The following NCALD variants were observed in gnomAD, a reference collection of about 807,000 sequenced individuals.
The protein encoded by NCALD is neurocalcin-delta.
Under a neutral mutation model 18.6 loss-of-function variants are expected in NCALD, and 10 were observed. The observed-to-expected ratio is 0.54, with a 90% confidence interval of 0.33 to 0.91. The LOEUF (loss-of-function observed/expected upper bound fraction) is 0.91, where lower values mean the gene tolerates loss of function less well. Ranked by LOEUF, NCALD falls within the 40% of genes least tolerant of loss-of-function variation. The pLI is 0.03. For synonymous variants in NCALD, 88 were observed against 87.4 expected, an observed-to-expected ratio of 1.01 and a Z score of -0.04; for missense variants, 184 against 247.6, an observed-to-expected ratio of 0.74 and a Z score of 1.72.
At chr8:102,068,999 A>G (rs1176269806) in intron 1 of NCALD, among the ~76,000 whole-genome samples, 1 of 152,190 alleles carries the variant, frequency 6.6e-6, no homozygotes, top group East Asian at 1.9e-4. Context: ...AGAAGTAGAG[A>G]GTAGAATGGT....
intron 2 of NCALD, among the ~76,000 whole-genome samples, chr8:101,986,108 G>A (rs1820799326): frequency 6.6e-6 from 1 of 151,998 alleles, no homozygotes; most frequent in African/African-American, 2.4e-5. Context: ...TTGGCTCACT[G>A]CAACCTCCGC....
intron 4 of NCALD, among the ~76,000 whole-genome samples, chr8:101,842,593 C>T (rs936981670): frequency 6.6e-5 from 10 of 152,202 alleles, no homozygotes; most frequent in African/African-American, 2.4e-4. Flanking sequence ...CACAAGATGG[C>T]TATTGCAGCC....
At chr8:101,893,031 C>G (rs368788577) in intron 3 of NCALD, among the ~76,000 whole-genome samples, 2 of 149,060 alleles carry the variant, frequency 1.3e-5, no homozygotes, top group South Asian at 2.1e-4. Context: ...AGATACTCCT[C>G]GAGAAGAGCA....
chr8:101,883,635 C>T (rs1423634806), intron 4 of NCALD, among the ~76,000 whole-genome samples: 5 of 152,212 alleles, frequency 3.3e-5, no homozygotes, highest in Admixed American at 6.5e-5. Context: ...CTGTCCTAAG[C>T]ATCCTCTTAG....
chr8:101,984,558 T>A (rs750228979), intron 2 of NCALD, among the ~76,000 whole-genome samples: 40 of 152,208 alleles, frequency 2.6e-4, no homozygotes, highest in Non-Finnish European at 4.9e-4. Flanking sequence ...AGGAGGCCAA[T>A]AAGCACTGAA....
At chr8:101,894,879 C>T (rs1180071127) in intron 3 of NCALD, among the ~76,000 whole-genome samples, 1 of 150,374 alleles carries the variant, frequency 6.7e-6, no homozygotes, top group African/African-American at 2.5e-5. Context: ...CAATAGTTTA[C>T]CAACCAAAAA....
At chr8:102,108,497 C>A (rs536371667) in intron 1 of NCALD, among the ~76,000 whole-genome samples, 1 of 152,140 alleles carries the variant, frequency 6.6e-6, no homozygotes, top group Admixed American at 6.5e-5. Context: ...GGAAACAGCA[C>A]GCAATGCACT....
At chr8:102,043,134 G>A (rs140148952) in intron 1 of NCALD, among the ~76,000 whole-genome samples, 4 of 151,954 alleles carry the variant, frequency 2.6e-5, no homozygotes, top group African/African-American at 7.3e-5. Context: ...GAAGTCATTC[G>A]GTCACATGGG....
chr8:102,090,502 C>T (rs973111077), intron 1 of NCALD, among the ~76,000 whole-genome samples: 45 of 152,202 alleles, frequency 3.0e-4, no homozygotes, highest in African/African-American at 9.4e-4. Flanking sequence ...AGAGCTCAAA[C>T]GTTCATGATA....
At chr8:102,019,494 C>G (rs1822200792) in intron 2 of NCALD, among the ~76,000 whole-genome samples, 2 of 152,006 alleles carry the variant, frequency 1.3e-5, no homozygotes, top group Non-Finnish European at 2.9e-5. Flanking sequence ...AAATAGAAAA[C>G]CTAAATAAAT....
chr8:101,870,900 C>CCG (rs1554649168), intron 4 of NCALD, among the ~76,000 whole-genome samples: 3 of 75,664 alleles, frequency 4.0e-5, no homozygotes, highest in Non-Finnish European at 7.3e-5. Context: ...CGCCCCCACC[C>CCG]CCCCCCCCCA....
intron 2 of NCALD, among the ~76,000 whole-genome samples, chr8:101,973,148 C>G (rs1308475655): frequency 6.6e-6 from 1 of 152,094 alleles, no homozygotes; most frequent in Non-Finnish European, 1.5e-5. Flanking sequence ...ATTTTCTGTT[C>G]CAGGTATGAG....
In NCALD at chr8:101,701,624, G is replaced by A. The variant is rs187158393; in HGVS notation, c.379-8728C>T. Among the ~76,000 whole-genome samples, 5 of 152,294 alleles carry A rather than the reference G, an allele frequency of 3.3e-5. No individual in the cohort carries two copies. The East Asian group carries it at 9.6e-4, about 29-fold the overall frequency. On this transcript the variant is annotated intron_variant, in intron 2 of 3. Coordinates refer to ENST00000220931, the MANE Select transcript of NCALD (RefSeq NM_032041.3). ...AGAGGACTCAGGTCTGGGAAGGGAGGACTCAGGTCTGCATTGATCAAGGTT... is the reference window on the plus strand; with the variant it reads ...AGAGGACTCAGGTCTGGGAAGGGAGAACTCAGGTCTGCATTGATCAAGGTT...
intron 1 of NCALD, among the ~76,000 whole-genome samples, chr8:101,777,718 A>C (rs947710315): frequency 1.3e-5 from 2 of 152,230 alleles, no homozygotes; most frequent in African/African-American, 4.8e-5. Flanking sequence ...CAGACTAGAC[A>C]TGACAGTCTG....
intron 4 of NCALD, among the ~76,000 whole-genome samples, chr8:101,797,796 T>C (rs1324335343): frequency 7.9e-5 from 12 of 151,008 alleles, no homozygotes; most frequent in Admixed American, 5.9e-4. Context: ...AGCCTGGTGA[T>C]ACAGTGAGAC....
intron 1 of NCALD, among the ~76,000 whole-genome samples, chr8:101,742,374 C>T (rs1410293813): frequency 2.0e-5 from 3 of 152,188 alleles, no homozygotes; most frequent in Non-Finnish European, 4.4e-5. Context: ...TTCCATTCAT[C>T]ATGAATTATG....
Position 101,876,904 on chromosome 8 carries a change from C to T in NCALD, c.-20+10237G>A, listed in dbSNP as rs138796296. Among the ~76,000 whole-genome samples, 248 of 152,276 alleles carry T rather than the reference C, an allele frequency of 1.6e-3. 1 individual carries two copies. The highest frequency in any genetic ancestry group is 5.6e-3 in the African/African-American group (231 of 41,566). ...TCTTTGAATAATCAGCCTCAGCAAC[C>T]GATGACTTCCAGTACAAAGCAAAAG... On this transcript the variant is annotated intron_variant, in intron 4 of 6. Transcript: ENST00000311028.
At chr8:101,917,780 C>A (rs781668468) in intron 2 of NCALD, among the ~76,000 whole-genome samples, 2 of 151,962 alleles carry the variant, frequency 1.3e-5, no homozygotes, top group Admixed American at 1.3e-4. Context: ...TTAGAAGGAA[C>A]TTGAAACCCT....
intron 1 of NCALD, among the ~76,000 whole-genome samples, chr8:102,057,576 A>G (rs1823698811): frequency 6.6e-6 from 1 of 152,200 alleles, no homozygotes; most frequent in African/African-American, 2.4e-5. Flanking sequence ...TTCATTTTAC[A>G]TTTCCACCTG....
Sources: gnomAD v4.1 joint callset for allele counts (sites outside exome capture counted in the v4.1 genomes callset) on GRCh38, gnomAD v4.1.1 for gene constraint, MANE v1.5 for transcripts, NCBI Gene and HGNC (gene_info 2026-07-23, HGNC 2026-07-21) for gene names.